The following SLC25A21 variants were observed in gnomAD, a reference collection of about 807,000 sequenced individuals.
SLC25A21 encodes the protein solute carrier family 25 member 21.
In SLC25A21, 47 loss-of-function variants were observed where a neutral mutation model predicts 43.8. The observed-to-expected ratio is 1.07, with a 90% CI of 0.85 to 1.37. The LOEUF (loss-of-function observed/expected upper bound fraction) is 1.37. Among genes scored for constraint, SLC25A21 ranks in the 40% most tolerant of loss-of-function variants. The pLI is 0.00. For synonymous variants in SLC25A21, 131 were observed against 121.3 expected (o/e 1.08, Z -0.52); for missense variants, 352 against 350.2 (o/e 1.00, Z -0.04).
intron 1 of SLC25A21, among the ~76,000 whole-genome samples, chr14:37,110,408 T>G (rs771122723): frequency 6.6e-6 from 1 of 152,188 alleles, no homozygotes; most frequent in Non-Finnish European, 1.5e-5. Context: ...TCTAGAGTAC[T>G]AAGTACATCC....
chr14:36,887,082 G>A (rs1299817695), intron 1 of SLC25A21, among the ~76,000 whole-genome samples: 1 of 152,042 alleles, frequency 6.6e-6, no homozygotes, highest in Admixed American at 6.6e-5. Flanking sequence ...AGAAAATAGA[G>A]AGAAATAGAG....
At chr14:37,015,249 T>A (rs1335680846) in intron 1 of SLC25A21, among the ~76,000 whole-genome samples, 1 of 135,768 alleles carries the variant, frequency 7.4e-6, no homozygotes, top group East Asian at 2.3e-4. Context: ...TGTCCATGTG[T>A]TCTCATTGTT....
At chr14:36,760,335 G>GGAAA (rs1886098562) in intron 3 of SLC25A21, among the ~76,000 whole-genome samples, 1 of 50,010 alleles carries the variant, frequency 2.0e-5, no homozygotes, top group Non-Finnish European at 4.1e-5. Flanking sequence ...CTAGGCAGAA[G>GGAAA]GAAGGAAGGA....
chr14:37,092,539 T>G (rs1347740936), intron 1 of SLC25A21, among the ~76,000 whole-genome samples: 2 of 152,174 alleles, frequency 1.3e-5, no homozygotes, highest in African/African-American at 4.8e-5. Flanking sequence ...ATGCCATCCC[T>G]AAGCCACAGG....
chr14:36,801,796 C>T (rs1387197957), intron 3 of SLC25A21, among the ~76,000 whole-genome samples: 1 of 152,066 alleles, frequency 6.6e-6, no homozygotes, highest in East Asian at 1.9e-4. Flanking sequence ...GTTTTATGTA[C>T]ACAGTTTTTG....
intron 1 of SLC25A21, among the ~76,000 whole-genome samples, chr14:36,982,811 C>T (rs1467973791): frequency 6.9e-6 from 1 of 144,332 alleles, no homozygotes; most frequent in Admixed American, 6.8e-5. Context: ...GAGACTCCAT[C>T]TCAACAAAAA....
chr14:36,953,472 A>C (rs1040582421), intron 1 of SLC25A21, among the ~76,000 whole-genome samples: 3 of 152,220 alleles, frequency 2.0e-5, no homozygotes, highest in African/African-American at 7.2e-5. Context: ...CACGATTGTG[A>C]AGTTTATAAG....
At chr14:36,803,366 T>C (rs1887932733) in intron 3 of SLC25A21, among the ~76,000 whole-genome samples, 1 of 152,214 alleles carries the variant, frequency 6.6e-6, no homozygotes, top group South Asian at 2.1e-4. Flanking sequence ...TCTTTTAATT[T>C]TGATTCCTTT....
chr14:36,747,240 T>C (rs1885535567), intron 3 of SLC25A21, among the ~76,000 whole-genome samples: 1 of 152,170 alleles, frequency 6.6e-6, no homozygotes, highest in Non-Finnish European at 1.5e-5. Flanking sequence ...TAATTTGATG[T>C]TATTTGTCAG....
intron 1 of SLC25A21, among the ~76,000 whole-genome samples, chr14:37,018,871 C>T (rs569577704): frequency 1.1e-4 from 16 of 151,830 alleles, no homozygotes; most frequent in Admixed American, 4.6e-4. Flanking sequence ...AATAATATTG[C>T]CAAATATTAT....
At chr14:36,775,993 A>G (rs532952131) in intron 3 of SLC25A21, among the ~76,000 whole-genome samples, 10 of 152,072 alleles carry the variant, frequency 6.6e-5, no homozygotes, top group Admixed American at 1.3e-4. Context: ...TCATTTTTCT[A>G]TCCTTGCCCT....
intron 3 of SLC25A21, among the ~76,000 whole-genome samples, chr14:36,800,765 TA>T (rs965865317): frequency 7.3e-5 from 11 of 151,638 alleles, no homozygotes; most frequent in African/African-American, 2.4e-4. Flanking sequence ...CAAGTAAAAA[TA>T]AAAAAAAATT....
chr14:36,760,637 T>A (rs1488609969), intron 3 of SLC25A21, among the ~76,000 whole-genome samples: 3 of 152,160 alleles, frequency 2.0e-5, no homozygotes, highest in Non-Finnish European at 4.4e-5. Flanking sequence ...AAACAAATGG[T>A]TTAGTCAGAG....
chr14:37,143,955 ATGGGG>A (rs1385573924), intron 1 of SLC25A21, among the ~76,000 whole-genome samples: 5 of 152,218 alleles, frequency 3.3e-5, no homozygotes, highest in African/African-American at 1.2e-4. Flanking sequence ...CTAGAATAAA[ATGGGG>A]GTTTTAGAAA....
At chr14:36,717,284 G>A (rs1185132616) in intron 6 of SLC25A21, among the ~76,000 whole-genome samples, 1 of 152,182 alleles carries the variant, frequency 6.6e-6, no homozygotes, top group African/African-American at 2.4e-5. Context: ...CACATTTATA[G>A]TTCTTTTAGC....
At chr14:37,123,164 T>A (rs1411967371) in intron 1 of SLC25A21, among the ~76,000 whole-genome samples, 6 of 152,220 alleles carry the variant, frequency 3.9e-5, no homozygotes, top group Admixed American at 3.9e-4. Context: ...ACTTCAAGGT[T>A]ATTGCTTAAT....
chr14:37,031,449 C>A (rs1418318472), intron 1 of SLC25A21, among the ~76,000 whole-genome samples: 1 of 152,154 alleles, frequency 6.6e-6, no homozygotes, highest in Non-Finnish European at 1.5e-5. Context: ...TGTGGCTTAT[C>A]ATACAAACAT....
chr14:36,922,468 T>C (rs1363707812), intron 1 of SLC25A21, among the ~76,000 whole-genome samples: 1 of 151,958 alleles, frequency 6.6e-6, no homozygotes, highest in Non-Finnish European at 1.5e-5. Flanking sequence ...CAGCTCCAAT[T>C]TGCAGGACAG....
intron 3 of SLC25A21, among the ~76,000 whole-genome samples, chr14:36,810,868 T>C (rs1566636225): frequency 3.0e-5 from 1 of 33,550 alleles, no homozygotes; most frequent in Non-Finnish European, 8.0e-5. Flanking sequence ...TTATACAGCA[T>C]ATGTAGAGAA....
Sources: allele counts gnomAD v4.1 joint callset (sites outside exome capture counted in the v4.1 genomes callset), GRCh38; gene constraint gnomAD v4.1.1; transcripts MANE v1.5; gene names NCBI Gene and HGNC (gene_info 2026-07-23, HGNC 2026-07-21).